SPATA16: variants seen among roughly 807,000 people sequenced by gnomAD.
The protein encoded by SPATA16 is spermatogenesis associated 16.
In SPATA16, 36 loss-of-function variants were observed where a neutral mutation model predicts 63.3. The observed-to-expected ratio is 0.57, with a 90% CI of 0.44 to 0.75. The LOEUF (loss-of-function observed/expected upper bound fraction) is 0.75. SPATA16 is among the 30% of genes least tolerant of loss of function. The pLI is 0.00. For missense variants in SPATA16, 646 were observed against 679.3 expected (o/e 0.95, Z 0.54); for synonymous variants, 203 against 216.7 (o/e 0.94, Z 0.56).
Position 173,117,156 on chromosome 3 carries a change from G to T in SPATA16, c.576C>A (p.Tyr192Ter). The T allele has an allele frequency of 6.2e-7, 1 of 1,614,026 alleles. No individual in the cohort carries two copies. Among genetic ancestry groups the T allele is most frequent in the Non-Finnish European group, 8.5e-7 (1 of 1,179,942 alleles). ...TTCTGAACTGTCCTGCTGCCAAGGC[G>T]TATTTCTTTTGTCTATAGCAAGAGC... ...DASSCYRQKKYALAAGQFRTA... is the reference protein window; with the variant it reads ...DASSCYRQKK The change falls in exon 2 of 11, where the codon TAC becomes TAA. Residue 192 changes from tyrosine to a stop codon, truncating the protein, a stop_gained. Coordinates refer to ENST00000351008, the MANE Select transcript of SPATA16 (RefSeq NM_031955.6). LOFTEE classifies it high-confidence loss of function.
intron 3 of SPATA16, among the ~76,000 whole-genome samples, chr3:173,037,037 G>T (rs560559039): frequency 1.3e-5 from 2 of 151,962 alleles, no homozygotes; most frequent in African/African-American, 2.4e-5. Context: ...ATGTAACGAC[G>T]TTAAAATATA....
chr3:173,087,327 T>A (rs193120942), intron 2 of SPATA16, among the ~76,000 whole-genome samples: 1 of 152,346 alleles, frequency 6.6e-6, no homozygotes, highest in Non-Finnish European at 1.5e-5. Context: ...GTCTATTTCA[T>A]CAGAAACTAG....
At chr3:172,972,717 G>A (rs536733456) in intron 5 of SPATA16, among the ~76,000 whole-genome samples, 3 of 152,162 alleles carry the variant, frequency 2.0e-5, no homozygotes, top group East Asian at 3.9e-4. Flanking sequence ...TGAGGTGACC[G>A]AAGTCAAATA....
chr3:173,109,509 C>T (rs1737698588), intron 2 of SPATA16, among the ~76,000 whole-genome samples: 1 of 152,108 alleles, frequency 6.6e-6, no homozygotes, highest in South Asian at 2.1e-4. Context: ...AATACTAAGC[C>T]TGAAAAATAT....
At chr3:172,992,220 T>C (rs1458707512) in intron 4 of SPATA16, among the ~76,000 whole-genome samples, 1 of 152,076 alleles carries the variant, frequency 6.6e-6, no homozygotes, top group African/African-American at 2.4e-5. Flanking sequence ...TTTGTCTTTT[T>C]AAAAATTGTT....
rs552361888 is a variant in SPATA16, at chr3:173,107,718, CAG to C, written c.612+9400_612+9401del. Among the ~76,000 whole-genome samples, 671 of 152,254 alleles carry C rather than the reference CAG, an allele frequency of 4.4e-3. 4 individuals carry two copies. Among genetic ancestry groups the C allele is most frequent in the African/African-American group, 0.015 (629 of 41,552 alleles). On this transcript the variant is annotated intron_variant, in intron 2 of 10. Coordinates refer to ENST00000351008, the MANE Select transcript of SPATA16 (RefSeq NM_031955.6). ...AGTGGATCTCATCTACTCACTATTTCAGAGTCTGTTTAACTATGAAGTTGTAT... is the reference window on the plus strand; with the variant it reads ...AGTGGATCTCATCTACTCACTATTTCAGTCTGTTTAACTATGAAGTTGTAT...
At chr3:172,915,690 G>A (rs990044960) in intron 9 of SPATA16, among the ~76,000 whole-genome samples, 3 of 152,068 alleles carry the variant, frequency 2.0e-5, no homozygotes, top group Non-Finnish European at 4.4e-5. Context: ...TTATTTCTGT[G>A]AGAATCCCTT....
intron 5 of SPATA16, 25 bp from the exon 6 acceptor site, chr3:172,956,849 T>C: frequency 6.2e-7 from 1 of 1,612,986 alleles, no homozygotes. Flanking sequence ...ACAACCCATT[T>C]GGCATCAATA....
chr3:173,141,066 G>A (rs1286643049), intron 1 of SPATA16, 37 bp downstream of exon 1: 1 of 152,394 alleles, frequency 6.6e-6, no homozygotes, highest in Non-Finnish European at 1.5e-5. Flanking sequence ...AACGAGAAAA[G>A]CTTTAACTGG....
chr3:173,074,369 C>T (rs934119084), intron 2 of SPATA16, among the ~76,000 whole-genome samples: 2 of 152,022 alleles, frequency 1.3e-5, no homozygotes, highest in Non-Finnish European at 2.9e-5. Context: ...GTTGTAGCTC[C>T]CATAATTCCC....
chr3:173,037,956 A>G (rs1383685679), intron 3 of SPATA16, among the ~76,000 whole-genome samples: 1 of 152,142 alleles, frequency 6.6e-6, no homozygotes, highest in Non-Finnish European at 1.5e-5. Flanking sequence ...AATATCCTAA[A>G]AAATATCCAT....
intron 4 of SPATA16, among the ~76,000 whole-genome samples, chr3:172,992,364 G>A (rs1434534658): frequency 1.3e-5 from 2 of 152,076 alleles, no homozygotes; most frequent in Admixed American, 1.3e-4. Context: ...TTTAAGGAAA[G>A]CAATAAACAG....
chr3:172,992,590 C>A (rs1734603917), intron 4 of SPATA16, among the ~76,000 whole-genome samples: 1 of 152,078 alleles, frequency 6.6e-6, no homozygotes, highest in South Asian at 2.1e-4. Flanking sequence ...AAAAAATATT[C>A]ATGACGCAGG....
rs1025095364 is a variant in SPATA16, at chr3:172,913,712, G to T, written c.1536C>A (p.Thr512=). The T allele has an allele frequency of 1.9e-6, 3 of 1,613,472 alleles. No individual in the cohort carries two copies. Among genetic ancestry groups the T allele is most frequent in the African/African-American group, 2.7e-5 (2 of 74,814 alleles). The change falls in exon 10 of 11, where the codon ACC becomes ACA. Residue 512 remains threonine, a synonymous_variant. Transcript: ENST00000351008. ...CATTATTGTTTCTTCTTCCTTCAAG[G>T]GTGTCCATAGCATCTGCCATTAGTG... is the stretch of plus-strand genomic sequence containing the variant. The part of the protein sequence containing the change: ...LQSLMADAMD[T]LEGRRNNNER...
intron 3 of SPATA16, among the ~76,000 whole-genome samples, chr3:173,039,529 T>C (rs191540826): frequency 4.5e-4 from 69 of 152,278 alleles, no homozygotes; most frequent in Admixed American, 3.4e-3. Flanking sequence ...TTCATAACAA[T>C]ACCACTCCAT....
chr3:172,963,034 G>A (rs965061221), intron 5 of SPATA16, among the ~76,000 whole-genome samples: 15 of 151,970 alleles, frequency 9.9e-5, no homozygotes, highest in African/African-American at 1.7e-4. Flanking sequence ...TCACTGTGTC[G>A]TTTATGTAAT....
At chr3:172,939,538 G>T (rs1252181912) in intron 6 of SPATA16, among the ~76,000 whole-genome samples, 1 of 152,168 alleles carries the variant, frequency 6.6e-6, no homozygotes, top group African/African-American at 2.4e-5. Flanking sequence ...TGAAGAAAAG[G>T]TTATGGAATT....
intron 2 of SPATA16, among the ~76,000 whole-genome samples, chr3:173,053,033 G>A (rs936587093): frequency 1.3e-5 from 2 of 152,260 alleles, no homozygotes; most frequent in Admixed American, 6.5e-5. Context: ...GAGTATAGCT[G>A]TTGTTTTGAT....
intron 4 of SPATA16, among the ~76,000 whole-genome samples, chr3:173,016,943 G>A (rs1030319385): frequency 2.6e-5 from 4 of 151,646 alleles, no homozygotes; most frequent in Non-Finnish European, 5.9e-5. Context: ...GAACCTGAGA[G>A]GTGGAGGTTA....
Sources: gnomAD v4.1 joint callset for allele counts (sites outside exome capture counted in the v4.1 genomes callset) on GRCh38, gnomAD v4.1.1 for gene constraint, MANE v1.5 for transcripts, NCBI Gene and HGNC (gene_info 2026-07-23, HGNC 2026-07-21) for gene names.